The following SPATA16 variants were observed in gnomAD, a reference collection of about 807,000 sequenced individuals.
The protein encoded by SPATA16 is spermatogenesis associated 16.
Under a neutral mutation model 63.3 loss-of-function variants are expected in SPATA16, and 36 were observed. The ratio of observed to expected loss-of-function variants is 0.57; its 90% confidence interval spans 0.44 to 0.75. The LOEUF (loss-of-function observed/expected upper bound fraction) is 0.75. Among genes scored for constraint, SPATA16 ranks in the 30% least tolerant of loss-of-function variants. SPATA16 has a pLI of 0.00. For synonymous variants in SPATA16, 203 were observed against 216.7 expected, an observed-to-expected ratio of 0.94 and a Z score of 0.56; for missense variants, 646 against 679.3, an observed-to-expected ratio of 0.95 and a Z score of 0.54.
At chr3:173,015,468 C>G (rs776427091) in intron 4 of SPATA16, among the ~76,000 whole-genome samples, 4 of 152,052 alleles carry the variant, frequency 2.6e-5, no homozygotes, top group South Asian at 4.1e-4. Context: ...AAATAAAGAC[C>G]CTGTGCAATG....
intron 4 of SPATA16, among the ~76,000 whole-genome samples, chr3:173,005,787 A>AT (rs993303536): frequency 1.3e-5 from 2 of 152,070 alleles, no homozygotes; most frequent in African/African-American, 4.8e-5. Context: ...GTTTTTCTAT[A>AT]TTTTTACAGA....
chr3:172,962,253 CAAAAA>C (rs71162320), intron 5 of SPATA16, among the ~76,000 whole-genome samples: 80 of 47,696 alleles, frequency 1.7e-3, no homozygotes, highest in African/African-American at 6.6e-3. Context: ...GACTCTGTCT[CAAAAA>C]AAAAAAAAAA....
In SPATA16 at chr3:172,953,381, C is replaced by T. The variant is rs539249666; in HGVS notation, c.1081+3296G>A. On this transcript the variant is annotated intron_variant, in intron 6 of 10. Transcript: ENST00000351008. ...ACATAGCCAGTTGAAGAGAGGGCTA[C>T]GACAACTTCTAGTCTTCTGTGGAAT... 7.2e-5 allele frequency among the ~76,000 whole-genome samples: 11 copies of T among 152,178 alleles called. No individual in the cohort carries two copies. The East Asian group carries it at 1.7e-3, about 24-fold the overall frequency.
rs750004108 is a variant in SPATA16 at position 172,895,047 on chromosome 3, TATTAA to T, written c.1588-5360_1588-5356del. On this transcript the variant is annotated intron_variant, in intron 10 of 10. Transcript: ENST00000351008. ...TTTATCTGAAGGTTTGAATATATATTATTAAATTAAACTTTTGTGTTGGGATAATT... is the reference window on the plus strand; with the variant it reads ...TTTATCTGAAGGTTTGAATATATATTATTAAACTTTTGTGTTGGGATAATT... Among the ~76,000 whole-genome samples the T allele has an allele frequency of 6.6e-5, 10 of 152,324 alleles. 1 individual carries two copies. Among genetic ancestry groups the T allele is most frequent in the South Asian group, 2.1e-4 (1 of 4,828 alleles).
chr3:172,998,885 G>C (rs886762342), intron 4 of SPATA16, among the ~76,000 whole-genome samples: 1 of 151,940 alleles, frequency 6.6e-6, no homozygotes, highest in Non-Finnish European at 1.5e-5. Context: ...TTCTATACCT[G>C]GAATACATTC....
chr3:172,892,503 C>T (rs1306848413), intron 10 of SPATA16, among the ~76,000 whole-genome samples: 1 of 152,190 alleles, frequency 6.6e-6, no homozygotes, highest in Non-Finnish European at 1.5e-5. Context: ...CCTTAGATTA[C>T]ACCATTAGAT....
intron 2 of SPATA16, among the ~76,000 whole-genome samples, chr3:173,055,512 A>T (rs1365253214): frequency 2.6e-5 from 4 of 152,212 alleles, no homozygotes; most frequent in African/African-American, 7.2e-5. Context: ...TGAGTAAAAA[A>T]ATCTGATCTC....
At chr3:172,903,489 C>A (rs1417120162) in intron 10 of SPATA16, among the ~76,000 whole-genome samples, 4 of 152,098 alleles carry the variant, frequency 2.6e-5, no homozygotes, top group Non-Finnish European at 4.4e-5. Flanking sequence ...GCCTCAAGAC[C>A]CCCTGTGCTG....
Position 173,093,009 on chromosome 3 carries a change from TAC to T in SPATA16, c.612+24109_612+24110del, listed in dbSNP as rs548460355. On this transcript the variant is annotated intron_variant, in intron 2 of 10. Transcript: ENST00000351008. The stretch of plus-strand genomic sequence containing the variant: ...CACTTTCCACAAATTGCAATTAAAA[TAC>T]AGTTTTATTGTAATTTTTATGCACC... 4.9e-3 allele frequency among the ~76,000 whole-genome samples: 733 copies of T among 150,918 alleles called. 3 individuals are homozygous for T. The highest frequency in any genetic ancestry group is 0.017 in the African/African-American group (696 of 41,062).
At chr3:173,057,905 C>T (rs1037703258) in intron 2 of SPATA16, among the ~76,000 whole-genome samples, 1 of 152,114 alleles carries the variant, frequency 6.6e-6, no homozygotes, top group South Asian at 2.1e-4. Flanking sequence ...TCTTGGTCCA[C>T]AACAGATTGG....
In SPATA16 at chr3:173,065,694, C is replaced by T. The variant is rs534269206; in HGVS notation, c.613-16600G>A. Among the ~76,000 whole-genome samples the T allele has an allele frequency of 7.9e-5, 12 of 152,246 alleles. No homozygotes were observed. In the South Asian group the frequency reaches 8.3e-4, roughly 11 times the overall value. ...CACAGAGAAAGAATCTGTGTGCTTG[C>T]GGGAGGGAAAGTAAAGTGAGTGTGG... On this transcript the variant is annotated intron_variant, in intron 2 of 10. Transcript: ENST00000351008.
intron 2 of SPATA16, among the ~76,000 whole-genome samples, chr3:173,056,896 T>C (rs921854581): frequency 6.6e-6 from 1 of 151,956 alleles, no homozygotes; most frequent in Non-Finnish European, 1.5e-5. Flanking sequence ...AGTTTCTTCC[T>C]TTCCCCCAAA....
intron 2 of SPATA16, among the ~76,000 whole-genome samples, chr3:173,094,373 A>G (rs1304668737): frequency 6.6e-6 from 1 of 152,182 alleles, no homozygotes; most frequent in Non-Finnish European, 1.5e-5. Context: ...AATGCTTTAA[A>G]GAGGAAAGTA....
intron 2 of SPATA16, among the ~76,000 whole-genome samples, chr3:173,059,352 TA>T (rs1295888501): frequency 2.6e-5 from 4 of 151,464 alleles, no homozygotes; most frequent in Admixed American, 6.6e-5. Flanking sequence ...TTTTTTTGGT[TA>T]TTTTTTTTTC....
At chr3:173,056,336 A>AT in intron 2 of SPATA16, among the ~76,000 whole-genome samples, 1 of 152,168 alleles carries the variant, frequency 6.6e-6, no homozygotes, top group South Asian at 2.1e-4. Flanking sequence ...TTTACAAGTA[A>AT]TTTTTTTCAA....
intron 2 of SPATA16, among the ~76,000 whole-genome samples, chr3:173,068,973 G>C (rs1235798336): frequency 6.6e-6 from 1 of 151,522 alleles, no homozygotes; most frequent in Non-Finnish European, 1.5e-5. Flanking sequence ...AGCCGGGCGT[G>C]GTGGCAGGCG....
chr3:172,932,370 A>G (rs565422977), intron 6 of SPATA16, among the ~76,000 whole-genome samples: 10 of 152,306 alleles, frequency 6.6e-5, no homozygotes, highest in African/African-American at 1.9e-4. Flanking sequence ...AACTTTGTCC[A>G]TAACAAAATG....
chr3:172,989,800 C>T (rs1020718200), intron 4 of SPATA16, among the ~76,000 whole-genome samples: 5 of 152,018 alleles, frequency 3.3e-5, no homozygotes, highest in Non-Finnish European at 5.9e-5. Context: ...AAGTTTATAC[C>T]CCAATAGGCT....
chr3:173,136,055 A>G (rs1057096580), intron 1 of SPATA16, among the ~76,000 whole-genome samples: 2 of 152,178 alleles, frequency 1.3e-5, no homozygotes, highest in Non-Finnish European at 2.9e-5. Flanking sequence ...CAACCTTTGC[A>G]TTGTCTAAGA....
Sources: gnomAD v4.1 joint callset for allele counts (sites outside exome capture counted in the v4.1 genomes callset) on GRCh38, gnomAD v4.1.1 for gene constraint, MANE v1.5 for transcripts, NCBI Gene and HGNC (gene_info 2026-07-23, HGNC 2026-07-21) for gene names.